The following SMARCA4 variants were observed in gnomAD, a reference collection of about 807,000 sequenced individuals.
SMARCA4 encodes SWI/SNF related BAF chromatin remodeling complex subunit ATPase 4, also known as SWI/SNF-related matrix-associated actin-dependent regulator of chromatin subfamily A member 4.
SMARCA4 carries 31 observed loss-of-function variants against 193.9 expected under a neutral mutation model. The ratio of observed to expected loss-of-function variants is 0.16; its 90% confidence interval spans 0.12 to 0.22. The LOEUF (loss-of-function observed/expected upper bound fraction) is 0.22, where lower values mean the gene tolerates loss of function less well. SMARCA4 is among the 10% of genes least tolerant of loss of function. The pLI is 1.00. For missense variants in SMARCA4, 1,148 were observed against 2,296.0 expected, an observed-to-expected ratio of 0.50 and a Z score of 10.22; for synonymous variants, 942 against 933.1, an observed-to-expected ratio of 1.01 and a Z score of -0.17.
At position 11,019,166 on chromosome 19, in the gene SMARCA4, C is replaced by T. The variant is rs373700575; in HGVS notation, c.2505+143C>T. 4.1e-4 allele frequency: 298 copies of T among 733,916 alleles called. 1 individual carries two copies. The African/African-American group carries it at 4.5e-3, about 11-fold the overall frequency. 45.5% of individuals were successfully genotyped at this position (733,916 alleles called of 1,614,324 possible). A position where few individuals can be genotyped will look rare whatever the true frequency, so the allele number is the denominator to read the frequency against. On this transcript the variant is annotated intron_variant, in intron 17 of 34. Transcript: ENST00000344626. This position sits in a 1 kb window ranked among gnomAD's most constrained non-coding sequence, Gnocchi z 6.1. ...GGAGTCTCCAGGACAGCCTGGAACTCCAGTCACATGGATCCGGGAGTTTGG... is the reference window on the plus strand; with the variant it reads ...GGAGTCTCCAGGACAGCCTGGAACTTCAGTCACATGGATCCGGGAGTTTGG...
At chr19:11,004,591 T>C (rs1272029813) in intron 13 of SMARCA4, among the ~76,000 whole-genome samples, 2 of 152,218 alleles carry the variant, frequency 1.3e-5, no homozygotes, top group Non-Finnish European at 2.9e-5. Flanking sequence ...ATGATTATTG[T>C]TCACATGGTA....
intron 1 of SMARCA4, among the ~76,000 whole-genome samples, chr19:10,967,963 G>A (rs550249880): frequency 4.0e-4 from 60 of 151,524 alleles, no homozygotes; most frequent in African/African-American, 1.2e-3. Context: ...TGCAATCTCC[G>A]CCTCCCGGGT....
Position 11,004,080 on chromosome 19 carries a change from G to A in SMARCA4, c.2001+683G>A, listed in dbSNP as rs568740509. Among the ~76,000 whole-genome samples, 388 of 145,212 alleles carry A rather than the reference G, an allele frequency of 2.7e-3. 3 individuals are homozygous for A. The highest frequency in any genetic ancestry group is 0.018 in the Middle Eastern group (4 of 220). On this transcript the variant is annotated intron_variant, in intron 13 of 34. Coordinates refer to ENST00000344626, the MANE Select transcript of SMARCA4 (RefSeq NM_003072.5). ...TGCCCAGGCTGGAGTGCAGTGGCGC[G>A]ATGTTGGCTCACTGCAGCCTCCACC...
In SMARCA4 at chr19:11,023,507, G is replaced by A. The variant is rs2146451529; in HGVS notation, c.2860-11G>A. On this transcript the variant is annotated splice_polypyrimidine_tract_variant and intron_variant, in intron 19 of 34. Transcript: ENST00000344626. ...GGTAACGCTTGCTTCTCCTGTCTTG[G>A]GGGCTTCCAGGTGGACCTGAATGAG... is the stretch of plus-strand genomic sequence containing the variant. 3.2e-6 allele frequency: 5 copies of A among 1,566,754 alleles called. No individual in the cohort carries two copies. Among genetic ancestry groups the A allele is most frequent in the Non-Finnish European group, 4.4e-6 (5 of 1,137,916 alleles).
At chr19:10,966,601 G>T (rs1278503701) in intron 1 of SMARCA4, among the ~76,000 whole-genome samples, 1 of 151,688 alleles carries the variant, frequency 6.6e-6, no homozygotes, top group Non-Finnish European at 1.5e-5. Flanking sequence ...AAAGCCGGGG[G>T]TTGGGCTGGG....
In SMARCA4 at chr19:10,984,973, G is replaced by C. The variant is rs1032954067; in HGVS notation, c.223-300G>C. Reference sequence around the variant, plus strand: ...GGTCATATTAGCATCCATGAGAAAAGGTGACATTTCTAAGTGTCACGGGCC... The same window carrying C: ...GGTCATATTAGCATCCATGAGAAAACGTGACATTTCTAAGTGTCACGGGCC... On this transcript the variant is annotated intron_variant, in intron 2 of 34. Transcript: ENST00000344626. The surrounding 1 kb of genome is among the most constrained non-coding windows in gnomAD (Gnocchi z 4.3). Among the ~76,000 whole-genome samples, 8 of 152,144 alleles carry C rather than the reference G, an allele frequency of 5.3e-5. No homozygotes were observed. The highest frequency in any genetic ancestry group is 1.9e-4 in the African/African-American group (8 of 41,426).
intron 16 of SMARCA4, chr19:11,016,005 C>T (rs2089319280): frequency 1.3e-5 from 2 of 151,500 alleles, no homozygotes; most frequent in Non-Finnish European, 2.9e-5. Context: ...GAATGAAACG[C>T]CTTCTCAAAA....
At chr19:11,045,399 T>C (rs1038059202) in intron 30 of SMARCA4, among the ~76,000 whole-genome samples, 2 of 152,024 alleles carry the variant, frequency 1.3e-5, no homozygotes. Context: ...TGCCAAGCAG[T>C]GCTTACCTTG....
chr19:11,005,588 T>TAGG (rs766973510), intron 13 of SMARCA4, among the ~76,000 whole-genome samples: 1 of 152,222 alleles, frequency 6.6e-6, no homozygotes, highest in African/African-American at 2.4e-5. Flanking sequence ...CAGCCAGTGA[T>TAGG]ACGCTTTTCC....
chr19:11,014,307 C>T lies in SMARCA4; in HGVS notation c.2438+1195C>T, dbSNP rs146118354. Among the ~76,000 whole-genome samples, 197 of 152,334 alleles carry T rather than the reference C, an allele frequency of 1.3e-3. 1 individual carries two copies. Among genetic ancestry groups the T allele is most frequent in the African/African-American group, 4.3e-3 (177 of 41,582 alleles). On this transcript the variant is annotated intron_variant, in intron 16 of 34. Transcript: ENST00000344626. ...TCACACACCCATAGGGTAGGCCTGACGTCCTGACTGTTGCAGGGAGGACTG... is the reference window on the plus strand; with the variant it reads ...TCACACACCCATAGGGTAGGCCTGATGTCCTGACTGTTGCAGGGAGGACTG...
In SMARCA4 at chr19:11,004,489, G is replaced by A. The variant is rs537501565; in HGVS notation, c.2001+1092G>A. Reference sequence around the variant, plus strand: ...TGGTCTCGAACTGCTGACCTTAAGCGATCCACCCACCTGGGCCTCCCAAAG... The same window carrying A: ...TGGTCTCGAACTGCTGACCTTAAGCAATCCACCCACCTGGGCCTCCCAAAG... On this transcript the variant is annotated intron_variant, in intron 13 of 34. Coordinates refer to ENST00000344626, the MANE Select transcript of SMARCA4 (RefSeq NM_003072.5). Among the ~76,000 whole-genome samples the A allele has an allele frequency of 3.9e-5, 6 of 152,318 alleles. No individual in the cohort carries two copies. In the South Asian group the frequency reaches 8.3e-4, roughly 21 times the overall value.
chr19:10,971,186 A>C (rs2084640987), intron 1 of SMARCA4, among the ~76,000 whole-genome samples: 1 of 152,114 alleles, frequency 6.6e-6, no homozygotes, highest in African/African-American at 2.4e-5. Flanking sequence ...ACAAGAGTGA[A>C]ACTTCATCTC....
rs1295316012 is a variant in SMARCA4 at position 11,062,144 on chromosome 19, G to A, written c.*328G>A. Reference sequence around the variant, plus strand: ...GTTTGGAGTCACTGTAGTTAAGTGTGGATGCATGTGCGTCACCGTCCACTC... The same window carrying A: ...GTTTGGAGTCACTGTAGTTAAGTGTAGATGCATGTGCGTCACCGTCCACTC... On this transcript the variant is annotated 3_prime_UTR_variant, in exon 35 of 35. Coordinates refer to ENST00000344626, the MANE Select transcript of SMARCA4 (RefSeq NM_003072.5). The A allele has an allele frequency of 1.9e-5, 9 of 462,522 alleles. No homozygotes were observed. The highest frequency in any genetic ancestry group is 1.2e-4 in the South Asian group (5 of 42,548). The allele number at this position is 462,522 out of a possible 1,614,324, so 28.7% of individuals were successfully genotyped here. A position where few individuals can be genotyped will look rare whatever the true frequency, so the allele number is the denominator to read the frequency against.
chr19:10,971,283 A>G (rs2084650264), intron 1 of SMARCA4, among the ~76,000 whole-genome samples: 1 of 152,092 alleles, frequency 6.6e-6, no homozygotes, highest in Non-Finnish European at 1.5e-5. Flanking sequence ...GGAATATGCC[A>G]AGCACAGTCC....
chr19:11,058,758 G>A lies in SMARCA4; in HGVS notation c.4534-30G>A, dbSNP rs1274109353. The A allele has an allele frequency of 6.3e-7, 1 of 1,597,358 alleles. No individual in the cohort carries two copies. The highest frequency in any genetic ancestry group is 8.6e-7 in the Non-Finnish European group (1 of 1,164,970). On this transcript the variant is annotated intron_variant, in intron 31 of 34. Coordinates refer to ENST00000344626, the MANE Select transcript of SMARCA4 (RefSeq NM_003072.5). This position sits in a 1 kb window ranked among gnomAD's most constrained non-coding sequence, Gnocchi z 5.8. The stretch of plus-strand genomic sequence containing the variant: ...GCGGGCAGGCGAGGCGGGGTCCTGA[G>A]GTAAGACCTGCTCCTCCCGTCCACT...
At chr19:11,008,261 G>A (rs1307181641) in intron 14 of SMARCA4, 1 of 459,780 alleles carries the variant, frequency 2.2e-6, no homozygotes, top group East Asian at 4.7e-5. Context: ...CAGGTGTGCG[G>A]GAGAAGCCCT....
chr19:10,980,565 C>T (rs985248077), intron 1 of SMARCA4, among the ~76,000 whole-genome samples: 1 of 151,290 alleles, frequency 6.6e-6, no homozygotes, highest in Admixed American at 6.6e-5. Context: ...ACCCCGGGGA[C>T]GGAGGTTGCA....
chr19:10,988,645 G>A (rs1232481944), intron 6 of SMARCA4, among the ~76,000 whole-genome samples: 1 of 152,088 alleles, frequency 6.6e-6, no homozygotes, highest in Non-Finnish European at 1.5e-5. Context: ...CTGATTGCTG[G>A]GGTTCCCTCC....
At position 10,961,169 on chromosome 19, in the gene SMARCA4, C is replaced by T. The variant is rs906858993; in HGVS notation, c.-37C>T. The T allele has an allele frequency of 7.4e-5, 11 of 148,302 alleles. No individual in the cohort carries two copies. The highest frequency in any genetic ancestry group is 1.3e-4 in the Admixed American group (2 of 15,010). 9.2% of individuals were successfully genotyped at this position (148,302 alleles called of 1,614,324 possible). ...GCCGGGAAGTCGACGGCGCCGGCGG[C>T]TCCTGGTAAGGAACGCGGGCCGCGG... On this transcript the variant is annotated 5_prime_UTR_variant, in exon 1 of 35. Transcript: ENST00000344626.
Sources: allele counts gnomAD v4.1 joint callset (sites outside exome capture counted in the v4.1 genomes callset), GRCh38; gene constraint gnomAD v4.1.1; non-coding constraint Gnocchi (gnomAD v3.1); transcripts MANE v1.5; gene names NCBI Gene and HGNC (gene_info 2026-07-23, HGNC 2026-07-21).